Variants in PAAF1 observed in about 807,000 individuals in gnomAD.
PAAF1 encodes the protein proteasomal ATPase-associated factor 1.
In PAAF1, 46 loss-of-function variants were observed where a neutral mutation model predicts 52.8. The ratio of observed to expected loss-of-function variants is 0.87; its 90% CI spans 0.69 to 1.11. The LOEUF is 1.11. PAAF1 is among the 50% of genes most tolerant of loss of function. PAAF1 has a pLI of 0.00. For synonymous variants in PAAF1, 178 were observed against 172.8 expected, an observed-to-expected ratio of 1.03 and a Z score of -0.24; for missense variants, 424 against 477.4, an observed-to-expected ratio of 0.89 and a Z score of 1.04.
At chr11:73,921,549 T>G (rs1282174783) in intron 10 of PAAF1, 1 of 536,410 alleles carries the variant, frequency 1.9e-6, no homozygotes, top group Non-Finnish European at 3.6e-6. Context: ...AAAGACATGG[T>G]CTTCTCTCTT....
intron 10 of PAAF1, among the ~76,000 whole-genome samples, chr11:73,920,227 A>T (rs935986): frequency 0.37 from 56,761 of 151,638 alleles, 11,051 homozygotes; most frequent in African/African-American, 0.49. Flanking sequence ...TTTTTTATAT[A>T]TTTTTTTAAT....
At chr11:73,922,773 C>T (rs931693887) in intron 10 of PAAF1, among the ~76,000 whole-genome samples, 2 of 147,502 alleles carry the variant, frequency 1.4e-5, no homozygotes, top group Non-Finnish European at 3.0e-5. Flanking sequence ...GCCGAGATCG[C>T]GCCACTGCAC....
At chr11:73,883,391 C>CT (rs1435497221) in intron 2 of PAAF1, among the ~76,000 whole-genome samples, 5 of 152,198 alleles carry the variant, frequency 3.3e-5, no homozygotes, top group African/African-American at 7.2e-5. Context: ...CTTTCCACCC[C>CT]CCAATCCTAG....
At chr11:73,879,928 G>A (rs942389934) in intron 2 of PAAF1, 4 of 151,700 alleles carry the variant, frequency 2.6e-5, no homozygotes, top group South Asian at 2.1e-4. Flanking sequence ...ACTTTATAGT[G>A]CTGTGACTTG....
At chr11:73,921,882 A>G (rs748192595) in intron 10 of PAAF1, 3 of 1,120,004 alleles carry the variant, frequency 2.7e-6, no homozygotes, top group Non-Finnish European at 1.3e-6. Context: ...CAGGAATGGG[A>G]AAGTTAGTGA....
intron 1 of PAAF1, 58 bp downstream of exon 1, chr11:73,877,126 C>A: frequency 6.9e-7 from 1 of 1,458,498 alleles, no homozygotes; most frequent in Admixed American, 2.5e-5. Flanking sequence ...TGCTTTGCGT[C>A]AAGGAGAGCC....
At chr11:73,914,891 A>G (rs1950022882) in intron 8 of PAAF1, among the ~76,000 whole-genome samples, 1 of 151,850 alleles carries the variant, frequency 6.6e-6, no homozygotes, top group Non-Finnish European at 1.5e-5. Flanking sequence ...TTTTCAGTAG[A>G]GACGGGGTTT....
chr11:73,920,304 C>T (rs907010432), intron 10 of PAAF1, among the ~76,000 whole-genome samples: 7 of 151,894 alleles, frequency 4.6e-5, no homozygotes, highest in African/African-American at 7.3e-5. Context: ...GAGGCTGAGG[C>T]GGGAGGATCA....
rs1443082818 is a variant in PAAF1 at position 73,909,389 on chromosome 11, C to T, written c.533-10C>T. 1 of 1,611,130 alleles carries T rather than the reference C, an allele frequency of 6.2e-7. No homozygotes were observed. The highest frequency in any genetic ancestry group is 1.7e-5 in the Admixed American group (1 of 59,184). On this transcript the variant is annotated splice_polypyrimidine_tract_variant and intron_variant, in intron 6 of 11. Coordinates refer to ENST00000310571, the MANE Select transcript of PAAF1 (RefSeq NM_025155.3). The stretch of plus-strand genomic sequence containing the variant: ...ATCCTCCATCTTAGGGAGTTTTTTT[C>T]TCTTGCTAGGTATCCTGGATACAGC...
intron 4 of PAAF1, among the ~76,000 whole-genome samples, chr11:73,897,782 C>T (rs1182142978): frequency 2.0e-5 from 3 of 152,132 alleles, no homozygotes; most frequent in African/African-American, 4.8e-5. Flanking sequence ...GACAGGGTGG[C>T]GGCCGGGCAG....
intron 10 of PAAF1, among the ~76,000 whole-genome samples, chr11:73,920,225 A>G (rs1565152164): frequency 6.6e-6 from 1 of 151,918 alleles, no homozygotes; most frequent in East Asian, 1.9e-4. Flanking sequence ...TATTTTTTAT[A>G]TATTTTTTTA....
intron 1 of PAAF1, 27 bp downstream of exon 1, chr11:73,877,095 G>A (rs1370087924): frequency 7.3e-6 from 11 of 1,511,738 alleles, no homozygotes; most frequent in African/African-American, 1.4e-5. Context: ...AACAGAGTCA[G>A]AGGAGGCGGG....
chr11:73,886,499 C>A (rs1337082474), intron 2 of PAAF1, among the ~76,000 whole-genome samples: 1 of 151,784 alleles, frequency 6.6e-6, no homozygotes, highest in African/African-American at 2.4e-5. Flanking sequence ...CATGGTGAAA[C>A]CCCATCTCTA....
chr11:73,927,511 T>C lies in PAAF1; in HGVS notation c.*149T>C, dbSNP rs570743052. 2 of 670,910 alleles carry C rather than the reference T, an allele frequency of 3.0e-6. No individual in the cohort carries two copies. Among genetic ancestry groups the C allele is most frequent in the East Asian group, 5.4e-5 (2 of 36,936 alleles). The allele number at this position is 670,910 out of a possible 1,614,324, so 41.6% of individuals were successfully genotyped here. A position where few individuals can be genotyped will look rare whatever the true frequency, so the allele number is the denominator to read the frequency against. On this transcript the variant is annotated 3_prime_UTR_variant, in exon 12 of 12. Coordinates refer to ENST00000310571, the MANE Select transcript of PAAF1 (RefSeq NM_025155.3). ...CAGAAAGTCAGCTGTACTGGCCGTG[T>C]GGAACTCTCATCCCAAGACCTACTT...
intron 3 of PAAF1, chr11:73,889,047 C>CTGTATG (rs1369875235): frequency 1.5e-6 from 1 of 655,368 alleles, no homozygotes; most frequent in Non-Finnish European, 2.7e-6. Context: ...CAAAGACAGA[C>CTGTATG]TGTATGCTGG....
intron 2 of PAAF1, among the ~76,000 whole-genome samples, chr11:73,885,429 A>C (rs972590980): frequency 5.3e-5 from 8 of 151,748 alleles, no homozygotes; most frequent in Non-Finnish European, 1.0e-4. Flanking sequence ...GGTGTGAGCC[A>C]CCATGCCCGG....
At chr11:73,885,836 C>A (rs1372379156) in intron 2 of PAAF1, among the ~76,000 whole-genome samples, 9 of 144,132 alleles carry the variant, frequency 6.2e-5, no homozygotes, top group African/African-American at 2.4e-4. Context: ...GAGTGAAACT[C>A]CATCTCAAAA....
At chr11:73,884,094 C>G (rs1296298656) in intron 2 of PAAF1, among the ~76,000 whole-genome samples, 15 of 152,016 alleles carry the variant, frequency 9.9e-5, no homozygotes, top group Non-Finnish European at 1.5e-5. Flanking sequence ...TTTTCTGGAG[C>G]AGTACTCAGC....
At position 73,887,196 on chromosome 11, in the gene PAAF1, T is replaced by C. The variant is rs557698637; in HGVS notation, c.89-158T>C. 1.6e-5 allele frequency: 9 copies of C among 551,680 alleles called. No individual in the cohort carries two copies. In the Admixed American group the frequency reaches 1.9e-4, roughly 12 times the overall value. The allele number at this position is 551,680 out of a possible 1,614,324, so 34.2% of individuals were successfully genotyped here. A position where few individuals can be genotyped will look rare whatever the true frequency, so the allele number is the denominator to read the frequency against. ...GACTAAGACACCTAATCTAATTCTC[T>C]TTTTACTTCACCTGACTTTTAACAC... On this transcript the variant is annotated intron_variant, in intron 2 of 11. Coordinates refer to ENST00000310571, the MANE Select transcript of PAAF1 (RefSeq NM_025155.3).
Sources: allele counts gnomAD v4.1 joint callset (sites outside exome capture counted in the v4.1 genomes callset), GRCh38; gene constraint gnomAD v4.1.1; transcripts MANE v1.5; gene names NCBI Gene and HGNC (gene_info 2026-07-23, HGNC 2026-07-21).